The following CNTLN variants were observed in gnomAD, a reference collection of about 807,000 sequenced individuals.
CNTLN encodes the protein centlein.
Under a neutral mutation model 180.0 loss-of-function variants are expected in CNTLN, and 212 were observed. The ratio of observed to expected loss-of-function variants is 1.18; its 90% CI spans 1.05 to 1.32. The LOEUF is 1.32. Among genes scored for constraint, CNTLN ranks in the 40% most tolerant of loss-of-function variants. The pLI is 0.00. For synonymous variants in CNTLN, 722 were observed against 563.1 expected (o/e 1.28, Z -3.99); for missense variants, 2,095 against 1,610.9 (o/e 1.30, Z -5.14).
chr9:17,352,608 T>G (rs554694892), intron 12 of CNTLN, among the ~76,000 whole-genome samples: 17 of 152,126 alleles, frequency 1.1e-4, no homozygotes, highest in Non-Finnish European at 2.1e-4. Context: ...CAGTGGCATT[T>G]AGTGCATTCA....
At chr9:17,197,564 G>C (rs924844660) in intron 2 of CNTLN, among the ~76,000 whole-genome samples, 30 of 151,990 alleles carry the variant, frequency 2.0e-4, no homozygotes, top group Non-Finnish European at 3.5e-4. Flanking sequence ...CAGATCTTTT[G>C]TTCATTTTAA....
intron 25 of CNTLN, among the ~76,000 whole-genome samples, chr9:17,496,586 G>C (rs1185504045): frequency 6.6e-6 from 1 of 152,168 alleles, no homozygotes; most frequent in Non-Finnish European, 1.5e-5. Context: ...CAAGCATTTA[G>C]TTAATAACAA....
At chr9:17,426,513 T>A (rs2133955103) in intron 18 of CNTLN, among the ~76,000 whole-genome samples, 1 of 152,100 alleles carries the variant, frequency 6.6e-6, no homozygotes, top group South Asian at 2.1e-4. Flanking sequence ...AAAATTTTTG[T>A]CATGTTGTAT....
intron 8 of CNTLN, among the ~76,000 whole-genome samples, chr9:17,313,413 C>G (rs1046498807): frequency 7.0e-6 from 1 of 143,704 alleles, no homozygotes; most frequent in African/African-American, 2.5e-5. Flanking sequence ...GATTAATTAA[C>G]TGGCTTTTTT....
At chr9:17,377,506 A>G (rs1313817081) in intron 13 of CNTLN, among the ~76,000 whole-genome samples, 1 of 152,286 alleles carries the variant, frequency 6.6e-6, no homozygotes, top group Non-Finnish European at 1.5e-5. Flanking sequence ...GCGTCATTGC[A>G]CTGCAGCCTG....
Position 17,141,020 on chromosome 9 carries a change from G to A in CNTLN, c.361-2268G>A, listed in dbSNP as rs183731741. ...TCAAAAAAATCATCATAAATAAGCA[G>A]CAACAGACTGGGAAGAATATTTCTA... is the stretch of plus-strand genomic sequence containing the variant. On this transcript the variant is annotated intron_variant, in intron 1 of 25. Coordinates refer to ENST00000380647, the MANE Select transcript of CNTLN (RefSeq NM_017738.4). Among the ~76,000 whole-genome samples the A allele has an allele frequency of 9.7e-3, 1,477 of 152,236 alleles. 14 individuals carry two copies. The highest frequency in any genetic ancestry group is 0.017 in the Non-Finnish European group (1,140 of 68,020).
intron 2 of CNTLN, among the ~76,000 whole-genome samples, chr9:17,185,571 A>G (rs953879060): frequency 6.6e-6 from 1 of 151,688 alleles, no homozygotes; most frequent in Non-Finnish European, 1.5e-5. Context: ...TTTCCCTGTT[A>G]ATATCTCTTG....
rs546737322 is a variant in CNTLN, at chr9:17,372,401, C to G, written c.1987+5684C>G. Among the ~76,000 whole-genome samples, 3 of 152,162 alleles carry G rather than the reference C, an allele frequency of 2.0e-5. No individual in the cohort carries two copies. The South Asian group carries it at 6.2e-4, about 32-fold the overall frequency. On this transcript the variant is annotated intron_variant, in intron 13 of 25. Transcript: ENST00000380647. ...AAATGGATAAATTCTTATACACATA[C>G]AACCTACTAAGATTATTGAACCATG...
At chr9:17,301,473 G>C (rs1331381216) in intron 7 of CNTLN, 5 of 985,156 alleles carry the variant, frequency 5.1e-6, no homozygotes, top group Non-Finnish European at 6.0e-6. Context: ...CTTGTGTTTA[G>C]TCTGTTTTTT....
intron 18 of CNTLN, among the ~76,000 whole-genome samples, chr9:17,456,430 T>G (rs553781784): frequency 1.1e-4 from 16 of 152,126 alleles, no homozygotes; most frequent in African/African-American, 1.4e-4. Context: ...CTCAAGTATA[T>G]CAAGTTCTAG....
At chr9:17,153,057 A>G (rs546499529) in intron 2 of CNTLN, among the ~76,000 whole-genome samples, 85 of 152,286 alleles carry the variant, frequency 5.6e-4, no homozygotes, top group South Asian at 2.3e-3. Context: ...GTGTCTTTGC[A>G]CATGAGATGG....
At chr9:17,224,373 C>T (rs1824330384) in intron 2 of CNTLN, among the ~76,000 whole-genome samples, 1 of 151,934 alleles carries the variant, frequency 6.6e-6, no homozygotes, top group African/African-American at 2.4e-5. Flanking sequence ...TTTATTTATT[C>T]TGGTAGGTAT....
At chr9:17,252,201 A>G (rs779490576) in intron 5 of CNTLN, among the ~76,000 whole-genome samples, 4 of 151,832 alleles carry the variant, frequency 2.6e-5, no homozygotes, top group African/African-American at 7.2e-5. Flanking sequence ...TAAATGTTCA[A>G]TTGCAGCAAC....
chr9:17,357,599 C>A (rs4961435), intron 12 of CNTLN, among the ~76,000 whole-genome samples: 85,215 of 144,012 alleles, frequency 0.59, 25,135 homozygotes, highest in East Asian at 0.73. Flanking sequence ...TATATAAATA[C>A]TACATATATA....
intron 18 of CNTLN, among the ~76,000 whole-genome samples, chr9:17,453,832 T>G (rs116668502): frequency 0.01 from 1,572 of 152,316 alleles, 19 homozygotes; most frequent in African/African-American, 0.036. Flanking sequence ...GCAACTTACT[T>G]CTTTAAAACC....
chr9:17,156,059 A>G (rs751073102), intron 2 of CNTLN, among the ~76,000 whole-genome samples: 1 of 152,172 alleles, frequency 6.6e-6, no homozygotes, highest in Non-Finnish European at 1.5e-5. Flanking sequence ...TGTGGGCTGC[A>G]CCCACTGTTC....
At chr9:17,463,070 C>T (rs1208015304) in intron 20 of CNTLN, 57 bp downstream of exon 20, 6 of 968,520 alleles carry the variant, frequency 6.2e-6, no homozygotes, top group Non-Finnish European at 9.5e-6. Context: ...GCAACCAGCT[C>T]TATTAAACGT....
In CNTLN at chr9:17,330,813, G is replaced by T; in HGVS notation, c.1518+5G>T. ...AGTGCTGAAGGAAAACATAAGGTAG[G>T]GACATTTTGTCATTTTGTGAATTTG... is the stretch of plus-strand genomic sequence containing the variant. On this transcript the variant is annotated splice_donor_5th_base_variant and intron_variant, in intron 9 of 25. Coordinates refer to ENST00000380647, the MANE Select transcript of CNTLN (RefSeq NM_017738.4). 1 of 1,592,184 alleles carries T rather than the reference G, an allele frequency of 6.3e-7. No individual in the cohort carries two copies. The highest frequency in any genetic ancestry group is 2.3e-5 in the East Asian group (1 of 43,700).
intron 2 of CNTLN, among the ~76,000 whole-genome samples, chr9:17,153,773 C>T (rs911004126): frequency 8.5e-5 from 13 of 152,130 alleles, no homozygotes; most frequent in Non-Finnish European, 1.5e-4. Flanking sequence ...CCATTCTCTC[C>T]GTCACTTTCA....
Sources: gnomAD v4.1 joint callset for allele counts (sites outside exome capture counted in the v4.1 genomes callset) on GRCh38, gnomAD v4.1.1 for gene constraint, MANE v1.5 for transcripts, NCBI Gene and HGNC (gene_info 2026-07-23, HGNC 2026-07-21) for gene names.